Variants in CSMD1 observed in about 807,000 individuals in gnomAD.
CSMD1 encodes the protein CUB and Sushi multiple domains 1.
CSMD1 carries 213 observed loss-of-function variants against 417.5 expected under a neutral mutation model. That is an observed-to-expected ratio of 0.51 (90% CI 0.46 to 0.57). CSMD1 has a LOEUF of 0.57. Among genes scored for constraint, CSMD1 ranks in the 20% least tolerant of loss-of-function variants. The pLI, the probability that CSMD1 is intolerant of heterozygous loss-of-function variation, is 0.00. For synonymous variants in CSMD1, 2,862 were observed against 1,736.8 expected, an observed-to-expected ratio of 1.65 and a Z score of -16.11; for missense variants, 6,923 against 4,529.7, an observed-to-expected ratio of 1.53 and a Z score of -15.17.
intron 3 of CSMD1, among the ~76,000 whole-genome samples, chr8:4,343,905 T>G (rs1438630246): frequency 6.6e-6 from 1 of 152,164 alleles, no homozygotes; most frequent in Admixed American, 6.5e-5. Context: ...AAGGCTTATT[T>G]ACTTTTAAAT....
Position 3,968,599 on chromosome 8 carries a change from T to G in CSMD1, c.818+29304A>C, listed in dbSNP as rs150351318. On this transcript the variant is annotated intron_variant, in intron 5 of 69. Transcript: ENST00000635120. ...AACAGGTGTATTTCAGATGGAATAT[T>G]CGCTAAGGAAGATGTCTTTCTCTAC... Among the ~76,000 whole-genome samples, 785 of 152,328 alleles carry G rather than the reference T, an allele frequency of 5.2e-3. 10 individuals carry two copies. Among genetic ancestry groups the G allele is most frequent in the African/African-American group, 0.018 (752 of 41,570 alleles).
intron 3 of CSMD1, among the ~76,000 whole-genome samples, chr8:4,230,452 A>C (rs1801651915): frequency 6.6e-6 from 1 of 152,208 alleles, no homozygotes; most frequent in Non-Finnish European, 1.5e-5. Flanking sequence ...TTATTAAATT[A>C]TATCCCAATC....
chr8:3,751,611 C>A (rs943010177), intron 6 of CSMD1, among the ~76,000 whole-genome samples: 2 of 151,110 alleles, frequency 1.3e-5, no homozygotes, highest in Admixed American at 6.6e-5. Flanking sequence ...TTTATATACT[C>A]TATATAATAC....
intron 2 of CSMD1, among the ~76,000 whole-genome samples, chr8:4,589,711 A>T (rs1799890515): frequency 6.6e-6 from 1 of 152,220 alleles, no homozygotes; most frequent in Admixed American, 6.5e-5. Flanking sequence ...AATTAGAAAC[A>T]CATGATTTCT....
intron 3 of CSMD1, among the ~76,000 whole-genome samples, chr8:4,110,091 C>T (rs1801772039): frequency 6.6e-6 from 1 of 152,108 alleles, no homozygotes; most frequent in Admixed American, 6.6e-5. Flanking sequence ...ATAAGCTTTC[C>T]TCCAGCATGG....
chr8:4,070,793 G>C (rs1799515519), intron 3 of CSMD1, among the ~76,000 whole-genome samples: 1 of 152,150 alleles, frequency 6.6e-6, no homozygotes, highest in Non-Finnish European at 1.5e-5. Context: ...AGCTGTCATA[G>C]CTTCCTCTGA....
At chr8:3,535,604 G>A (rs1365765685) in intron 10 of CSMD1, among the ~76,000 whole-genome samples, 2 of 151,982 alleles carry the variant, frequency 1.3e-5, no homozygotes, top group Non-Finnish European at 2.9e-5. Context: ...TAACTTAATG[G>A]GTATAATGTA....
At chr8:4,143,517 A>G (rs1803922598) in intron 3 of CSMD1, among the ~76,000 whole-genome samples, 1 of 150,928 alleles carries the variant, frequency 6.6e-6, no homozygotes. Context: ...GAAGAAGTTG[A>G]TATTAAGTTT....
chr8:3,971,249 G>A (rs996203819), intron 5 of CSMD1, among the ~76,000 whole-genome samples: 1 of 152,152 alleles, frequency 6.6e-6, no homozygotes, highest in South Asian at 2.1e-4. Context: ...ACTTCTGCCT[G>A]AGTTTTTAAT....
chr8:3,665,117 T>C (rs1412539162), intron 7 of CSMD1, among the ~76,000 whole-genome samples: 1 of 152,122 alleles, frequency 6.6e-6, no homozygotes, highest in Non-Finnish European at 1.5e-5. Flanking sequence ...AATAAGAAAG[T>C]TTCAGGTGAT....
Position 4,140,076 on chromosome 8 carries a change from G to A in CSMD1, c.416-107977C>T, listed in dbSNP as rs369083229. Among the ~76,000 whole-genome samples, 637 of 151,126 alleles carry A rather than the reference G, an allele frequency of 4.2e-3. 53 individuals are homozygous for A. Among genetic ancestry groups the A allele is most frequent in the African/African-American group, 0.015 (612 of 40,464 alleles). On this transcript the variant is annotated intron_variant, in intron 3 of 69. Coordinates refer to ENST00000635120, the MANE Select transcript of CSMD1 (RefSeq NM_033225.6). ...ATTATTAAAAATAAGACAATAGCCAGGTACAGTTACTCATGCCTATAGTCC... is the reference window on the plus strand; with the variant it reads ...ATTATTAAAAATAAGACAATAGCCAAGTACAGTTACTCATGCCTATAGTCC...
At chr8:4,812,556 C>G (rs1022328945) in intron 1 of CSMD1, among the ~76,000 whole-genome samples, 4 of 152,098 alleles carry the variant, frequency 2.6e-5, no homozygotes, top group Non-Finnish European at 5.9e-5. Flanking sequence ...ACATATACCA[C>G]ATGAATTTAT....
At chr8:4,715,453 C>T (rs866598127) in intron 1 of CSMD1, among the ~76,000 whole-genome samples, 1 of 152,156 alleles carries the variant, frequency 6.6e-6, no homozygotes, top group Admixed American at 6.5e-5. Flanking sequence ...TTGACAATCT[C>T]ATATGGTTTC....
intron 12 of CSMD1, among the ~76,000 whole-genome samples, chr8:3,459,548 A>G (rs1034939467): frequency 1.3e-5 from 2 of 152,170 alleles, no homozygotes; most frequent in Non-Finnish European, 2.9e-5. Context: ...ATGCAGGTAC[A>G]TGGGAGATCT....
intron 2 of CSMD1, among the ~76,000 whole-genome samples, chr8:4,517,567 C>G (rs1416062973): frequency 1.3e-5 from 2 of 152,164 alleles, no homozygotes; most frequent in Non-Finnish European, 2.9e-5. Context: ...ACAGCAGTTT[C>G]ATTTTACAGA....
At chr8:4,685,006 C>A (rs1398345013) in intron 1 of CSMD1, among the ~76,000 whole-genome samples, 2 of 152,134 alleles carry the variant, frequency 1.3e-5, no homozygotes, top group Non-Finnish European at 2.9e-5. Context: ...TAACATAGAA[C>A]AACGGGACTC....
chr8:3,596,063 A>G (rs1252167402), intron 8 of CSMD1, among the ~76,000 whole-genome samples: 5 of 152,210 alleles, frequency 3.3e-5, no homozygotes, highest in Admixed American at 6.6e-5. Flanking sequence ...GGGCTTAGGA[A>G]GCCAGAGGAG....
intron 1 of CSMD1, among the ~76,000 whole-genome samples, chr8:4,821,923 T>TC (rs1799547134): frequency 4.6e-5 from 7 of 152,086 alleles, no homozygotes; most frequent in African/African-American, 1.7e-4. Flanking sequence ...CTTGCCTGCT[T>TC]CAGGTATTTT....
At chr8:3,948,042 C>T (rs1292790321) in intron 5 of CSMD1, among the ~76,000 whole-genome samples, 2 of 152,078 alleles carry the variant, frequency 1.3e-5, no homozygotes, top group East Asian at 1.9e-4. Context: ...CCCGTCTCTA[C>T]TAAAAATATA....
Sources: gnomAD v4.1 joint callset for allele counts (sites outside exome capture counted in the v4.1 genomes callset) on GRCh38, gnomAD v4.1.1 for gene constraint, MANE v1.5 for transcripts, NCBI Gene and HGNC (gene_info 2026-07-23, HGNC 2026-07-21) for gene names.